Variants in NOL8 observed in about 807,000 individuals in gnomAD.
NOL8 encodes nucleolar protein Nop132.
In NOL8, 93 loss-of-function variants were observed where a neutral mutation model predicts 116.1. The ratio of observed to expected loss-of-function variants is 0.80; its 90% CI spans 0.68 to 0.95. The LOEUF (loss-of-function observed/expected upper bound fraction) is 0.95. Among genes scored for constraint, NOL8 ranks in the 40% least tolerant of loss-of-function variants. The pLI, the probability that NOL8 is intolerant of heterozygous loss-of-function variation, is 0.00. For synonymous variants in NOL8, 419 were observed against 469.0 expected, an observed-to-expected ratio of 0.89 and a Z score of 1.38; for missense variants, 1,291 against 1,382.8, an observed-to-expected ratio of 0.93 and a Z score of 1.05.
At chr9:92,324,745 CAATA>C (rs1262102833) in intron 1 of NOL8, 4 of 152,052 alleles carry the variant, frequency 2.6e-5, no homozygotes, top group African/African-American at 9.7e-5. Context: ...TATTATGTCA[CAATA>C]AAAGTGCTGC....
chr9:92,314,914 G>C lies in NOL8; in HGVS notation c.1711C>G (p.Gln571Glu). Residue 571 changes from glutamine to glutamate, a missense_variant, in exon 7 of 17, where the codon CAG (glutamine) becomes GAG (glutamate). Physicochemically the swap from Gln to Glu is conservative, Grantham distance 29. Transcript: ENST00000442668. ...AGACAGCCTACTCCCTTGAAAGCCT[G>C]AAATTTTGGCTTTAAATTGTTTTCC... ...PKENNLKPKF[Q>E]AFKGVGCLYE... 1 of 1,613,732 alleles carries C rather than the reference G, an allele frequency of 6.2e-7. No homozygotes were observed. Among genetic ancestry groups the C allele is most frequent in the South Asian group, 1.1e-5 (1 of 91,078 alleles).
At chr9:92,308,806 T>G (rs537989537) in intron 10 of NOL8, 1 of 152,342 alleles carries the variant, frequency 6.6e-6, no homozygotes, top group African/African-American at 2.4e-5. Flanking sequence ...GCCACTGCAC[T>G]TGGAGGACAA....
chr9:92,303,522 C>G (rs1837939231), intron 12 of NOL8, among the ~76,000 whole-genome samples: 1 of 152,182 alleles, frequency 6.6e-6, no homozygotes, highest in East Asian at 1.9e-4. Context: ...GTCATCACAG[C>G]AGAGATGGTC....
Position 92,301,854 on chromosome 9 carries a change from A to G in NOL8, c.2904-32T>C, listed in dbSNP as rs374568074. 1.2e-4 allele frequency: 185 copies of G among 1,510,096 alleles called. No homozygotes were observed. In the East Asian group the frequency reaches 3.9e-3, roughly 32 times the overall value. The allele number at this position is 1,510,096 out of a possible 1,614,324, so 93.5% of individuals were successfully genotyped here. ...TGACATATGTAGACATGTGCATCACAAAGAAACAAGTTTTGGGAAATTTCC... is the reference window on the plus strand; with the variant it reads ...TGACATATGTAGACATGTGCATCACGAAGAAACAAGTTTTGGGAAATTTCC... On this transcript the variant is annotated intron_variant, in intron 12 of 16. Transcript: ENST00000442668.
In NOL8 at chr9:92,297,816, T is replaced by A; in HGVS notation, c.*20A>T. The A allele has an allele frequency of 3.2e-6, 5 of 1,542,986 alleles. No homozygotes were observed. The highest frequency in any genetic ancestry group is 4.4e-6 in the Non-Finnish European group (5 of 1,140,816). On this transcript the variant is annotated 3_prime_UTR_variant, in exon 17 of 17. Coordinates refer to ENST00000442668, the MANE Select transcript of NOL8 (RefSeq NM_017948.6). ...AGGTGAGCCTTGTTCACATTCAGTATCAAAACCAGCTGACATTTATTATTT... is the reference window on the plus strand; with the variant it reads ...AGGTGAGCCTTGTTCACATTCAGTAACAAAACCAGCTGACATTTATTATTT...
intron 11 of NOL8, among the ~76,000 whole-genome samples, chr9:92,306,416 C>T (rs562093130): frequency 1.3e-5 from 2 of 152,200 alleles, no homozygotes; most frequent in African/African-American, 4.8e-5. Context: ...TTGCATAAAA[C>T]ATTTCATTGT....
intron 5 of NOL8, 77 bp downstream of exon 5, chr9:92,319,144 T>G (rs1190590609): frequency 1.1e-5 from 15 of 1,423,576 alleles, no homozygotes; most frequent in African/African-American, 1.5e-5. Context: ...GTTTTAGACA[T>G]GACACCCACA....
At chr9:92,313,127 A>T (rs2134124720) in intron 7 of NOL8, among the ~76,000 whole-genome samples, 1 of 152,070 alleles carries the variant, frequency 6.6e-6, no homozygotes, top group South Asian at 2.1e-4. Context: ...TTTGCCTAAG[A>T]CAGAAACTTA....
chr9:92,323,896 A>G (rs187580522), intron 2 of NOL8, 127 bp downstream of exon 2: 1 of 1,020,588 alleles, frequency 9.8e-7, no homozygotes, highest in African/African-American at 1.6e-5. Flanking sequence ...CACACATTAT[A>G]CCTCCACAAC....
chr9:92,313,577 AGCCT>A lies in NOL8; in HGVS notation c.2358+686_2358+689del, dbSNP rs1839057587. ...ATTTTATGAACAAAATGAAACCACT[AGCCT>A]CATTTCTTGCCATCTCATGCTGTAT... On this transcript the variant is annotated intron_variant, in intron 7 of 16. Coordinates refer to ENST00000442668, the MANE Select transcript of NOL8 (RefSeq NM_017948.6). Among the ~76,000 whole-genome samples, 6 of 152,314 alleles carry A rather than the reference AGCCT, an allele frequency of 3.9e-5. 1 individual carries two copies. Among genetic ancestry groups the A allele is most frequent in the African/African-American group, 1.4e-4 (6 of 41,562 alleles).
At chr9:92,303,418 T>G (rs1178834275) in intron 12 of NOL8, among the ~76,000 whole-genome samples, 1 of 152,150 alleles carries the variant, frequency 6.6e-6, no homozygotes, top group African/African-American at 2.4e-5. Context: ...AAATGAAAAT[T>G]TCAGTGTCCT....
intron 12 of NOL8, among the ~76,000 whole-genome samples, chr9:92,305,297 C>T (rs1838128475): frequency 6.6e-6 from 1 of 152,124 alleles, no homozygotes; most frequent in Non-Finnish European, 1.5e-5. Context: ...AGCCAAGGAA[C>T]ACCAAAGGAT....
intron 13 of NOL8, 126 bp from the exon 14 acceptor site, chr9:92,300,142 T>C (rs929215856): frequency 7.2e-7 from 1 of 1,388,674 alleles, no homozygotes; most frequent in African/African-American, 1.5e-5. Context: ...AATCATTAAT[T>C]TAAAATAGTA....
intron 8 of NOL8, 89 bp from the exon 9 acceptor site, chr9:92,310,764 C>T (rs1451188797): frequency 1.1e-5 from 15 of 1,389,036 alleles, no homozygotes; most frequent in Non-Finnish European, 1.4e-5. Context: ...CATTGAAAGC[C>T]AGTAACCCAG....
rs1837469769 is a variant in NOL8, at chr9:92,298,829, T to C, written c.3373+55A>G. 4 of 1,005,186 alleles carry C rather than the reference T, an allele frequency of 4.0e-6. No homozygotes were observed. In the South Asian group the frequency reaches 6.6e-5, roughly 17 times the overall value. The allele number at this position is 1,005,186 out of a possible 1,614,324, so 62.3% of individuals were successfully genotyped here. On this transcript the variant is annotated intron_variant, in intron 15 of 16. Coordinates refer to ENST00000442668, the MANE Select transcript of NOL8 (RefSeq NM_017948.6). ...CAAAATTCCTGGATGTGAATTACTG[T>C]AGCTGTATTATTACCTGTTCTATGT... is the stretch of plus-strand genomic sequence containing the variant.
chr9:92,324,344 G>C (rs1189835830), intron 1 of NOL8, 135 bp from the exon 2 acceptor site: 1 of 722,200 alleles, frequency 1.4e-6, no homozygotes, highest in African/African-American at 1.8e-5. Context: ...CCAAATTTTA[G>C]TCTTCGAGGT....
At chr9:92,301,908 C>T (rs1837786636) in intron 12 of NOL8, 86 bp from the exon 13 acceptor site, 8 of 1,141,032 alleles carry the variant, frequency 7.0e-6, no homozygotes, top group Non-Finnish European at 9.6e-6. Flanking sequence ...AAATCTTGGA[C>T]AACTTTAATT....
chr9:92,325,234 G>C (rs961666683), intron 1 of NOL8, 72 bp downstream of exon 1: 4 of 152,276 alleles, frequency 2.6e-5, no homozygotes, highest in Non-Finnish European at 5.9e-5. Flanking sequence ...CTTTCTCTGA[G>C]AAGACCCAAA....
At chr9:92,305,863 A>AT in intron 11 of NOL8, 33 bp from the exon 12 acceptor site, 1 of 1,442,264 alleles carries the variant, frequency 6.9e-7, no homozygotes. Context: ...GTTGGAAGAG[A>AT]TAAAAACAGA....
Sources: gnomAD v4.1 joint callset for allele counts (sites outside exome capture counted in the v4.1 genomes callset) on GRCh38, gnomAD v4.1.1 for gene constraint, MANE v1.5 for transcripts, NCBI Gene and HGNC (gene_info 2026-07-23, HGNC 2026-07-21) for gene names.